SYNE2: variants seen among roughly 807,000 people sequenced by gnomAD.
SYNE2 encodes the protein nesprin-2.
A neutral mutation model predicts 856.3 loss-of-function variants in SYNE2; 431 were observed. That is an observed-to-expected ratio of 0.50 (90% CI 0.47 to 0.55). SYNE2 has a LOEUF of 0.55. SYNE2 is among the 20% of genes least tolerant of loss of function. The pLI is 0.00. For synonymous variants in SYNE2, 2,923 were observed against 2,872.3 expected (o/e 1.02, Z -0.56); for missense variants, 8,129 against 8,023.2 (o/e 1.01, Z -0.50).
chr14:63,974,886 GTGTGTGTATATATATATATATATA>G, intron 11 of SYNE2, among the ~76,000 whole-genome samples: 3 of 26,294 alleles, frequency 1.1e-4, no homozygotes, highest in Middle Eastern at 0.023. Context: ...GTGTGTGTGT[GTGTGTGTATATATATATATATATA>G]TATATATGTA....
At chr14:63,778,906 A>G (rs1399748709) in intron 1 of SYNE2, among the ~76,000 whole-genome samples, 1 of 143,338 alleles carries the variant, frequency 7.0e-6, no homozygotes, top group Non-Finnish European at 1.5e-5. Flanking sequence ...CAGTCTCCCA[A>G]AGTGTTGGGA....
chr14:64,150,001 T>C (rs1567468474), intron 84 of SYNE2, among the ~76,000 whole-genome samples: 1 of 140,556 alleles, frequency 7.1e-6, no homozygotes, highest in Non-Finnish European at 1.5e-5. Context: ...CTTTTTTTTT[T>C]CTTTTCTTTT....
intron 79 of SYNE2, 57 bp downstream of exon 79, chr14:64,138,040 G>C: frequency 1.9e-6 from 3 of 1,560,624 alleles, no homozygotes; most frequent in Non-Finnish European, 2.6e-6. Flanking sequence ...AAGACCTCGG[G>C]GATTCTGTAG....
chr14:63,798,490 C>G (rs542569149), intron 1 of SYNE2, among the ~76,000 whole-genome samples: 2 of 151,136 alleles, frequency 1.3e-5, no homozygotes, highest in African/African-American at 4.9e-5. Context: ...GCCTCCTAGG[C>G]TCAAGCAACC....
At chr14:63,977,615 C>G (rs2096554530) in intron 12 of SYNE2, among the ~76,000 whole-genome samples, 1 of 152,062 alleles carries the variant, frequency 6.6e-6, no homozygotes, top group African/African-American at 2.4e-5. Context: ...ACAAAATTAG[C>G]TGGGTATTGT....
intron 54 of SYNE2, 58 bp downstream of exon 54, chr14:64,076,158 G>C: frequency 6.4e-7 from 1 of 1,566,966 alleles, no homozygotes; most frequent in African/African-American, 1.4e-5. Flanking sequence ...CTATCAGGAG[G>C]AAAATATCAT....
chr14:63,963,320 A>G (rs1200018475), intron 9 of SYNE2, among the ~76,000 whole-genome samples: 2 of 152,266 alleles, frequency 1.3e-5, no homozygotes, highest in African/African-American at 2.4e-5. Flanking sequence ...TAATAGGAAA[A>G]AACAAAGTAA....
intron 1 of SYNE2, among the ~76,000 whole-genome samples, chr14:63,780,469 G>C (rs774950444): frequency 2.6e-5 from 4 of 152,158 alleles, no homozygotes; most frequent in Non-Finnish European, 5.9e-5. Context: ...GGGAGGTAGA[G>C]GTTGTGGTGA....
rs1232050117 is a variant in SYNE2, at chr14:63,839,120, C to G, written c.-304-13381C>G. Among the ~76,000 whole-genome samples the G allele has an allele frequency of 2.0e-5, 3 of 152,172 alleles. No homozygotes were observed. The South Asian group carries it at 6.2e-4, about 32-fold the overall frequency. On this transcript the variant is annotated intron_variant, in intron 1 of 23. Transcript: ENST00000674003. ...TCTTGGCTCACTGCAACCTCCAACT[C>G]CCAGATTCAAGTGATTCTCCTGCCT...
At chr14:64,004,323 C>T (rs1395630540) in intron 30 of SYNE2, among the ~76,000 whole-genome samples, 8 of 151,546 alleles carry the variant, frequency 5.3e-5, no homozygotes, top group East Asian at 1.9e-4. Flanking sequence ...TGTGAGCCAC[C>T]GTTGTTTTTT....
intron 45 of SYNE2, among the ~76,000 whole-genome samples, chr14:64,045,771 T>C (rs2097181873): frequency 6.6e-6 from 1 of 152,228 alleles, no homozygotes. Context: ...CCCTGGACAG[T>C]TGAATTCTCT....
chr14:64,002,743 A>T lies in SYNE2; in HGVS notation c.3810A>T (p.Lys1270Asn), dbSNP rs2096765150. 6.2e-7 allele frequency: 1 copy of T among 1,612,912 alleles called. No individual in the cohort carries two copies. The highest frequency in any genetic ancestry group is 1.3e-5 in the African/African-American group (1 of 74,844). The change falls in exon 30 of 116, where the codon AAA becomes AAT. Residue 1270 changes from lysine (K) to asparagine (N), a missense_variant. Physicochemically the swap from Lys to Asn is moderately conservative, Grantham distance 94. Around this residue, in one of 3 missense-constraint regions of SYNE2, gnomAD observed 2,422 missense variants for 2,357.4 expected, o/e 1.03. Transcript: ENST00000555002. Reference protein sequence around the residue: ...HLRNIQDSIAKQIEICNRLEE... With the variant: ...HLRNIQDSIANQIEICNRLEE... ...AGAATATCCAAGATTCCATAGCAAAACAGATTGAAATATGTAACCGCTTAG... is the reference window on the plus strand; with the variant it reads ...AGAATATCCAAGATTCCATAGCAAATCAGATTGAAATATGTAACCGCTTAG...
At chr14:64,121,986 A>G in intron 68 of SYNE2, 26 bp from the exon 69 acceptor site, 1 of 1,612,632 alleles carries the variant, frequency 6.2e-7, no homozygotes, top group East Asian at 2.2e-5. Context: ...GATGGATTGG[A>G]CCATTTGAAT....
chr14:63,896,097 G>A (rs1008497992), intron 1 of SYNE2, among the ~76,000 whole-genome samples: 4 of 152,102 alleles, frequency 2.6e-5, no homozygotes, highest in Non-Finnish European at 5.9e-5. Context: ...GCTAGAGATC[G>A]GCTGTAGCAG....
At chr14:64,055,609 CA>C (rs1346777227) in intron 48 of SYNE2, among the ~76,000 whole-genome samples, 6 of 152,004 alleles carry the variant, frequency 3.9e-5, no homozygotes, top group African/African-American at 1.4e-4. Context: ...CCTCGTGATC[CA>C]CCCACCTCGG....
At chr14:63,912,758 C>T (rs6573539) in intron 2 of SYNE2, among the ~76,000 whole-genome samples, 22,249 of 152,152 alleles carry the variant, frequency 0.15, 2,605 homozygotes, top group African/African-American at 0.33. Flanking sequence ...CATTAATATG[C>T]TATGAAAGCA....
chr14:63,983,041 T>A (rs1594652970), intron 17 of SYNE2, among the ~76,000 whole-genome samples: 2 of 152,214 alleles, frequency 1.3e-5, no homozygotes, highest in East Asian at 1.9e-4. Context: ...TAGATTAGCC[T>A]ATTCTGGACA....
Position 64,188,588 on chromosome 14 carries a change from T to C in SYNE2, c.17751T>C (p.Asn5917=), listed in dbSNP as rs898812637. Residue 5917 remains asparagine, a synonymous_variant, in exon 98 of 116, where the codon AAT becomes AAC. Coordinates refer to ENST00000555002, the MANE Select transcript of SYNE2 (RefSeq NM_182914.3). ...AACAGGAGATTGAAGACAGACTCAA[T>C]ACATGGGTTGTATTCAATGAAAAAA... ...IRKQEIEDRL[N]TWVVFNEKNK... is the part of the protein sequence containing the mutation. 3 of 1,614,214 alleles carry C rather than the reference T, an allele frequency of 1.9e-6. No individual in the cohort carries two copies. Among genetic ancestry groups the C allele is most frequent in the Admixed American group, 3.3e-5 (2 of 60,026 alleles).
intron 99 of SYNE2, among the ~76,000 whole-genome samples, chr14:64,193,386 C>G (rs1472274641): frequency 6.6e-6 from 1 of 152,070 alleles, no homozygotes. Flanking sequence ...CCCATCTCTA[C>G]CAAAAATACA....
Sources: gnomAD v4.1 joint callset for allele counts (sites outside exome capture counted in the v4.1 genomes callset) on GRCh38, gnomAD v4.1.1 for gene constraint, gnomAD v4.1.1 regional missense constraint, MANE v1.5 for transcripts, NCBI Gene and HGNC (gene_info 2026-07-23, HGNC 2026-07-21) for gene names.